Variants in ZDHHC2 observed in about 807,000 individuals in gnomAD.
The protein encoded by ZDHHC2 is zDHHC palmitoyltransferase 2, also known as palmitoyltransferase ZDHHC2.
ZDHHC2 carries 51 observed loss-of-function variants against 55.6 expected under a neutral mutation model. The ratio of observed to expected loss-of-function variants is 0.92; its 90% CI spans 0.73 to 1.16. The LOEUF is 1.16. Among genes scored for constraint, ZDHHC2 ranks in the 50% most tolerant of loss-of-function variants. The pLI is 0.00. For missense variants in ZDHHC2, 491 were observed against 442.4 expected, an observed-to-expected ratio of 1.11 and a Z score of -0.99; for synonymous variants, 199 against 152.9, an observed-to-expected ratio of 1.30 and a Z score of -2.22.
chr8:17,195,243 T>C (rs1452318401), intron 3 of ZDHHC2, among the ~76,000 whole-genome samples: 1 of 152,226 alleles, frequency 6.6e-6, no homozygotes, highest in Admixed American at 6.5e-5. Flanking sequence ...TTATGTACTC[T>C]GTTCCTTTTG....
chr8:17,160,504 G>A (rs754300483), intron 1 of ZDHHC2, among the ~76,000 whole-genome samples: 12 of 152,240 alleles, frequency 7.9e-5, no homozygotes, highest in Non-Finnish European at 1.2e-4. Flanking sequence ...GTTGCCACAA[G>A]TTCAATGTCC....
At chr8:17,195,429 C>T (rs1806256332) in intron 3 of ZDHHC2, 75 bp from the exon 4 acceptor site, 1 of 1,458,394 alleles carries the variant, frequency 6.9e-7, no homozygotes, top group Non-Finnish European at 9.3e-7. Context: ...ATACCCTTTT[C>T]CGGGTATGGT....
chr8:17,182,911 T>C (rs771570611), intron 1 of ZDHHC2, among the ~76,000 whole-genome samples: 91 of 152,112 alleles, frequency 6.0e-4, no homozygotes, highest in Non-Finnish European at 1.2e-3. Context: ...CAGGCGCGTG[T>C]CACCACACCT....
chr8:17,174,675 G>T (rs898206407), intron 1 of ZDHHC2, among the ~76,000 whole-genome samples: 1 of 127,500 alleles, frequency 7.8e-6, no homozygotes, highest in Non-Finnish European at 1.7e-5. Flanking sequence ...ACTTAGTATT[G>T]TTCATTTTTG....
intron 6 of ZDHHC2, 119 bp downstream of exon 6, chr8:17,198,532 C>G: frequency 1.1e-6 from 1 of 921,046 alleles, no homozygotes. Context: ...ATAGCAGGAA[C>G]TTTTGGATTT....
chr8:17,201,571 C>A (rs1424733891), intron 6 of ZDHHC2, among the ~76,000 whole-genome samples: 1 of 134,718 alleles, frequency 7.4e-6, no homozygotes, highest in African/African-American at 2.7e-5. Flanking sequence ...TGGCTCACTG[C>A]AAGCTCCGCC....
intron 6 of ZDHHC2, among the ~76,000 whole-genome samples, chr8:17,201,671 T>TC (rs1361575366): frequency 2.7e-5 from 4 of 150,202 alleles, no homozygotes; most frequent in Non-Finnish European, 5.9e-5. Flanking sequence ...TTTGGTTTTT[T>TC]TTTTTTTTGT....
chr8:17,174,126 G>A (rs570326734), intron 1 of ZDHHC2, among the ~76,000 whole-genome samples: 14 of 144,514 alleles, frequency 9.7e-5, no homozygotes, highest in East Asian at 8.1e-4. Context: ...GTCTTGCTCT[G>A]TCTCCCAATC....
chr8:17,196,748 C>CA (rs1354526507), intron 4 of ZDHHC2, among the ~76,000 whole-genome samples: 3 of 151,522 alleles, frequency 2.0e-5, no homozygotes, highest in Non-Finnish European at 4.4e-5. Flanking sequence ...ACTAAAAATA[C>CA]AAAAAAATTA....
intron 1 of ZDHHC2, among the ~76,000 whole-genome samples, chr8:17,159,224 T>G (rs1804212881): frequency 6.6e-6 from 1 of 152,184 alleles, no homozygotes; most frequent in African/African-American, 2.4e-5. Flanking sequence ...ACCCCCAGTA[T>G]TAATCACATC....
intron 3 of ZDHHC2, among the ~76,000 whole-genome samples, chr8:17,192,376 T>C (rs1806079206): frequency 6.6e-6 from 1 of 152,248 alleles, no homozygotes; most frequent in African/African-American, 2.4e-5. Context: ...TGACCATGGA[T>C]GTTGAGCACA....
intron 8 of ZDHHC2, 84 bp from the exon 9 acceptor site, chr8:17,209,848 A>G (rs1807288478): frequency 1.4e-6 from 2 of 1,429,362 alleles, no homozygotes; most frequent in African/African-American, 1.5e-5. Flanking sequence ...GAGTTTCTTC[A>G]TTTACTTCAA....
At chr8:17,198,473 C>T in intron 6 of ZDHHC2, 60 bp downstream of exon 6, 3 of 1,467,528 alleles carry the variant, frequency 2.0e-6, no homozygotes, top group East Asian at 2.4e-5. Flanking sequence ...TAAATTAAAT[C>T]ACTTATCCAT....
chr8:17,156,641 CA>C lies in ZDHHC2; in HGVS notation c.-82del. On this transcript the variant is annotated 5_prime_UTR_variant, in exon 1 of 13. Transcript: ENST00000262096. Reference sequence around the variant, plus strand: ...GCCGCCGCCCAGGAGCCCGTCCAGCCAGGGGTGCCGGGCCCGCCCAGCCCGC... The same window carrying C: ...GCCGCCGCCCAGGAGCCCGTCCAGCCGGGGTGCCGGGCCCGCCCAGCCCGC... The C allele has an allele frequency of 9.2e-7, 1 of 1,089,966 alleles. No individual in the cohort carries two copies. The highest frequency in any genetic ancestry group is 1.1e-6 in the Non-Finnish European group (1 of 894,350). 67.5% of individuals were successfully genotyped at this position (1,089,966 alleles called of 1,614,324 possible). A position where few individuals can be genotyped will look rare whatever the true frequency, so the allele number is the denominator to read the frequency against.
At chr8:17,215,105 C>A in intron 10 of ZDHHC2, 132 bp from the exon 11 acceptor site, 3 of 684,322 alleles carry the variant, frequency 4.4e-6, no homozygotes, top group South Asian at 3.8e-5. Flanking sequence ...TTGTATTCCC[C>A]ACGTTATTTT....
intron 2 of ZDHHC2, among the ~76,000 whole-genome samples, chr8:17,185,618 C>A (rs1047097133): frequency 4.6e-5 from 7 of 152,064 alleles, no homozygotes; most frequent in African/African-American, 1.7e-4. Context: ...TGGCAGTGAG[C>A]CACTGCACTC....
intron 2 of ZDHHC2, among the ~76,000 whole-genome samples, chr8:17,185,689 T>G (rs1805674420): frequency 6.6e-6 from 1 of 151,828 alleles, no homozygotes; most frequent in African/African-American, 2.4e-5. Context: ...AAAAGAAAAT[T>G]TTGGATAGTA....
chr8:17,195,433 G>T (rs1195481522), intron 3 of ZDHHC2, 71 bp from the exon 4 acceptor site: 1 of 1,490,128 alleles, frequency 6.7e-7, no homozygotes, highest in Non-Finnish European at 9.1e-7. Context: ...CCTTTTCCGG[G>T]TATGGTAGAG....
chr8:17,198,351 T>G, intron 5 of ZDHHC2, 30 bp from the exon 6 acceptor site: 1 of 1,587,186 alleles, frequency 6.3e-7, no homozygotes, highest in Non-Finnish European at 8.6e-7. Context: ...TCATGGGGTA[T>G]TAGGTTTTGT....
Sources: allele counts gnomAD v4.1 joint callset (sites outside exome capture counted in the v4.1 genomes callset), GRCh38; gene constraint gnomAD v4.1.1; transcripts MANE v1.5; gene names NCBI Gene and HGNC (gene_info 2026-07-23, HGNC 2026-07-21).